The following IGHMBP2 variants were observed in gnomAD, a reference collection of about 807,000 sequenced individuals.
The protein encoded by IGHMBP2 is DNA-binding protein SMUBP-2.
IGHMBP2 carries 81 observed loss-of-function variants against 96.0 expected under a neutral mutation model. The ratio of observed to expected loss-of-function variants is 0.84; its 90% CI spans 0.71 to 1.01. IGHMBP2 has a LOEUF of 1.01. Among genes scored for constraint, IGHMBP2 ranks in the 50% least tolerant of loss-of-function variants. The pLI is 0.00. For synonymous variants in IGHMBP2, 557 were observed against 548.9 expected (o/e 1.01, Z -0.21); for missense variants, 1,227 against 1,306.3 (o/e 0.94, Z 0.94).
At chr11:68,932,986 A>G (rs1594450817) in intron 8 of IGHMBP2, 3 of 461,508 alleles carry the variant, frequency 6.5e-6, no homozygotes, top group African/African-American at 2.0e-5. Context: ...TGACCCTCGC[A>G]TGCCCCCTTA....
chr11:68,908,727 G>A (rs1858301157), intron 4 of IGHMBP2, 96 bp downstream of exon 4: 1 of 838,010 alleles, frequency 1.2e-6, no homozygotes, highest in Non-Finnish European at 2.0e-6. Flanking sequence ...GTTTGAGAAA[G>A]TATGACTAGA....
chr11:68,938,334 C>T lies in IGHMBP2; in HGVS notation c.2764C>T (p.Leu922Phe). 1 of 1,611,456 alleles carries T rather than the reference C, an allele frequency of 6.2e-7. No individual in the cohort carries two copies. Among genetic ancestry groups the T allele is most frequent in the Non-Finnish European group, 8.5e-7 (1 of 1,179,468 alleles). ...FCQLCSRRYC[L>F]SHHLPEIHGC... ...CCAGCTCTGCAGCCGCCGCTACTGC[C>T]TCAGCCACCACCTGCCCGAGGTATG... Residue 922 changes from leucine to phenylalanine, a missense_variant, in exon 14 of 15, where the codon CTC becomes TTC. By Grantham distance (22) the Leu-to-Phe change is conservative (BLOSUM62 0). Coordinates refer to ENST00000255078, the MANE Select transcript of IGHMBP2 (RefSeq NM_002180.3).
intron 12 of IGHMBP2, 91 bp from the exon 13 acceptor site, chr11:68,936,146 C>T: frequency 6.7e-7 from 1 of 1,483,812 alleles, no homozygotes; most frequent in Non-Finnish European, 9.3e-7. Context: ...GGGGACTACA[C>T]TTTTGGTGGT....
chr11:68,909,823 G>C (rs138112391), intron 4 of IGHMBP2, among the ~76,000 whole-genome samples: 177 of 152,018 alleles, frequency 1.2e-3, no homozygotes, highest in African/African-American at 4.2e-3. Context: ...GAGACAACAT[G>C]GTTTCACCAT....
At position 68,927,463 on chromosome 11, in the gene IGHMBP2, G is replaced by A. The variant is rs118078500; in HGVS notation, c.1061-1720G>A. Reference sequence around the variant, plus strand: ...TTGTGACTCTCAGCTTTCACTTCCCGTTTGTGCAGTGCGTTGAGCTGAGCC... The same window carrying A: ...TTGTGACTCTCAGCTTTCACTTCCCATTTGTGCAGTGCGTTGAGCTGAGCC... On this transcript the variant is annotated intron_variant, in intron 7 of 14. Transcript: ENST00000255078. Among the ~76,000 whole-genome samples the A allele has an allele frequency of 7.7e-3, 1,167 of 152,252 alleles. 6 individuals are homozygous for A. The highest frequency in any genetic ancestry group is 0.012 in the Non-Finnish European group (788 of 68,018).
chr11:68,927,416 C>T (rs538178673), intron 7 of IGHMBP2, among the ~76,000 whole-genome samples: 4 of 152,294 alleles, frequency 2.6e-5, no homozygotes, highest in South Asian at 4.1e-4. Context: ...TTGGGCACAC[C>T]TCCAACACAG....
chr11:68,905,925 G>A, intron 1 of IGHMBP2, 144 bp from the exon 2 acceptor site: 2 of 845,710 alleles, frequency 2.4e-6, no homozygotes, highest in East Asian at 4.8e-5. Flanking sequence ...GATTGGGAGT[G>A]GAGCCAATTC....
At chr11:68,912,117 T>A (rs1336186443) in intron 5 of IGHMBP2, among the ~76,000 whole-genome samples, 1 of 152,258 alleles carries the variant, frequency 6.6e-6, no homozygotes, top group African/African-American at 2.4e-5. Context: ...ACTTACATTT[T>A]AAATTTTTTT....
chr11:68,908,455 G>T, intron 3 of IGHMBP2, 79 bp from the exon 4 acceptor site: 1 of 1,444,112 alleles, frequency 6.9e-7, no homozygotes, highest in South Asian at 1.1e-5. Context: ...TGGCCCTCAT[G>T]GGAGTTGGTG....
chr11:68,924,290 A>C (rs1858984713), intron 7 of IGHMBP2, among the ~76,000 whole-genome samples: 1 of 152,200 alleles, frequency 6.6e-6, no homozygotes, highest in Non-Finnish European at 1.5e-5. Context: ...TGTTGTGGGA[A>C]TCTTGTCAAC....
intron 7 of IGHMBP2, among the ~76,000 whole-genome samples, chr11:68,918,277 C>T (rs992430296): frequency 2.0e-5 from 3 of 151,084 alleles, no homozygotes; most frequent in Admixed American, 2.0e-4. Flanking sequence ...TCTTTTTTTT[C>T]CTGCTCTTCT....
intron 1 of IGHMBP2, 42 bp from the exon 2 acceptor site, chr11:68,906,027 A>C: frequency 6.3e-7 from 1 of 1,596,538 alleles, no homozygotes; most frequent in Non-Finnish European, 8.6e-7. Flanking sequence ...GGAAGTAGAA[A>C]CTAGTAAAAA....
chr11:68,938,143 T>C, intron 13 of IGHMBP2, 39 bp from the exon 14 acceptor site: 1 of 1,610,798 alleles, frequency 6.2e-7, no homozygotes, highest in Non-Finnish European at 8.5e-7. Flanking sequence ...GGCCAGGTGT[T>C]GTCTTTCCGT....
chr11:68,925,200 C>T (rs915499112), intron 7 of IGHMBP2, among the ~76,000 whole-genome samples: 1 of 145,340 alleles, frequency 6.9e-6, no homozygotes, highest in Non-Finnish European at 1.5e-5. Flanking sequence ...GGCTGTAGTG[C>T]AGTGGCACAA....
chr11:68,939,448 G>C lies in IGHMBP2; in HGVS notation c.2785-86G>C, dbSNP rs1057327738. 4 of 1,438,854 alleles carry C rather than the reference G, an allele frequency of 2.8e-6. No individual in the cohort carries two copies. The South Asian group carries it at 4.6e-5, about 17-fold the overall frequency. The allele number at this position is 1,438,854 out of a possible 1,614,324, so 89.1% of individuals were successfully genotyped here. ...TGGCCTTCTCTGTTGGGGCGCCTGT[G>C]GCCCCCCAGCTCTTTGATAGGCAGA... On this transcript the variant is annotated intron_variant, in intron 14 of 14. Transcript: ENST00000255078.
In IGHMBP2 at chr11:68,938,422, G is replaced by C; in HGVS notation, c.2784+68G>C. On this transcript the variant is annotated intron_variant, in intron 14 of 14. Transcript: ENST00000255078. The stretch of plus-strand genomic sequence containing the variant: ...TGGTGGGTTCCGTCTCCAGGAAGCA[G>C]ACCCTGGGCAGACTTGTTCCAGTCG... 3 of 1,420,988 alleles carry C rather than the reference G, an allele frequency of 2.1e-6. No individual in the cohort carries two copies. In the Admixed American group the frequency reaches 6.0e-5, roughly 28 times the overall value. 88.0% of individuals were successfully genotyped at this position (1,420,988 alleles called of 1,614,324 possible).
chr11:68,911,511 A>G lies in IGHMBP2; in HGVS notation c.619A>G (p.Lys207Glu), dbSNP rs1858435588. 1 of 1,614,162 alleles carries G rather than the reference A, an allele frequency of 6.2e-7. No homozygotes were observed. Among genetic ancestry groups the G allele is most frequent in the African/African-American group, 1.3e-5 (1 of 75,048 alleles). ...AGCGGTTTTATTTGCGCTGTCTCAG[A>G]AAGAACTTGCCATCATCCATGGACC... Reference protein sequence around the residue: ...KEAVLFALSQKELAIIHGPPG... With the variant: ...KEAVLFALSQEELAIIHGPPG... The change falls in exon 5 of 15, where the codon AAA becomes GAA. Residue 207 changes from lysine to glutamate, a missense_variant. Transcript: ENST00000255078.
intron 6 of IGHMBP2, among the ~76,000 whole-genome samples, chr11:68,917,421 G>A (rs564285743): frequency 3.3e-5 from 5 of 152,132 alleles, no homozygotes; most frequent in Admixed American, 6.5e-5. Flanking sequence ...ATCCTGGGGC[G>A]GGCAAGCGCT....
At chr11:68,909,888 T>A (rs1391576016) in intron 4 of IGHMBP2, among the ~76,000 whole-genome samples, 1 of 152,212 alleles carries the variant, frequency 6.6e-6, no homozygotes, top group Non-Finnish European at 1.5e-5. Flanking sequence ...TGCCTCGGCC[T>A]CCCAAAGTGC....
Sources: allele counts gnomAD v4.1 joint callset (sites outside exome capture counted in the v4.1 genomes callset), GRCh38; gene constraint gnomAD v4.1.1; transcripts MANE v1.5; gene names NCBI Gene and HGNC (gene_info 2026-07-23, HGNC 2026-07-21).